The following DNAJC15 variants were observed in gnomAD, a reference collection of about 807,000 sequenced individuals.
DNAJC15 encodes the protein dnaJ homolog subfamily C member 15.
A neutral mutation model predicts 22.4 loss-of-function variants in DNAJC15; 27 were observed. The ratio of observed to expected loss-of-function variants is 1.20; its 90% confidence interval spans 0.89 to 1.66. DNAJC15 has a LOEUF of 1.66. DNAJC15 is among the 40% of genes most tolerant of loss of function. The pLI, the probability that DNAJC15 is intolerant of heterozygous loss-of-function variation, is 0.00. For synonymous variants in DNAJC15, 79 were observed against 63.2 expected (o/e 1.25, Z -1.19); for missense variants, 208 against 187.1 (o/e 1.11, Z -0.65).
At chr13:43,038,595 A>G (rs2040439093) in intron 1 of DNAJC15, among the ~76,000 whole-genome samples, 1 of 152,164 alleles carries the variant, frequency 6.6e-6, no homozygotes, top group Admixed American at 6.5e-5. Flanking sequence ...GATCGAGACC[A>G]TCCTGGCTAA....
Position 43,047,075 on chromosome 13 carries a change from CA to C in DNAJC15, c.109-18607del, listed in dbSNP as rs535844808. Among the ~76,000 whole-genome samples, 11 of 152,284 alleles carry C rather than the reference CA, an allele frequency of 7.2e-5. No individual in the cohort carries two copies. In the South Asian group the frequency reaches 1.0e-3, roughly 14 times the overall value. ...AGGCCAAGAACCCCAGGTCAGAGAA[CA>C]AAAGGCTTGCCGTCATTTTGGGAGC... On this transcript the variant is annotated intron_variant, in intron 1 of 5. Coordinates refer to ENST00000379221, the MANE Select transcript of DNAJC15 (RefSeq NM_013238.3).
At chr13:43,097,026 C>G (rs547519276) in intron 5 of DNAJC15, among the ~76,000 whole-genome samples, 1 of 152,296 alleles carries the variant, frequency 6.6e-6, no homozygotes, top group South Asian at 2.1e-4. Flanking sequence ...ATAAAAAGAA[C>G]ATTGTTGCTT....
intron 3 of DNAJC15, among the ~76,000 whole-genome samples, chr13:43,075,338 C>CT (rs2040628514): frequency 6.6e-6 from 1 of 152,118 alleles, no homozygotes; most frequent in Admixed American, 6.5e-5. Context: ...CCAATACCTG[C>CT]TTTTAAGATT....
At chr13:43,051,902 C>T (rs778825725) in intron 1 of DNAJC15, among the ~76,000 whole-genome samples, 1 of 152,126 alleles carries the variant, frequency 6.6e-6, no homozygotes, top group Non-Finnish European at 1.5e-5. Context: ...GTTTACCTTC[C>T]TACCAGCAGT....
chr13:43,075,203 A>T (rs1347441831), intron 3 of DNAJC15, among the ~76,000 whole-genome samples: 2 of 152,200 alleles, frequency 1.3e-5, no homozygotes, highest in Non-Finnish European at 2.9e-5. Flanking sequence ...GTATATACAG[A>T]TTGACTTACT....
intron 1 of DNAJC15, among the ~76,000 whole-genome samples, chr13:43,024,276 G>A (rs9594865): frequency 0.22 from 33,577 of 151,244 alleles, 3,768 homozygotes; most frequent in Middle Eastern, 0.24. Flanking sequence ...CTGGAAAAAG[G>A]AAGGGTCTAA....
chr13:43,077,323 A>C (rs2040638151), intron 3 of DNAJC15, among the ~76,000 whole-genome samples: 1 of 152,210 alleles, frequency 6.6e-6, no homozygotes, highest in Non-Finnish European at 1.5e-5. Flanking sequence ...AAAGATTAGC[A>C]AGCTATACTT....
chr13:43,036,005 G>A (rs2040427202), intron 1 of DNAJC15, among the ~76,000 whole-genome samples: 1 of 152,154 alleles, frequency 6.6e-6, no homozygotes, highest in Non-Finnish European at 1.5e-5. Context: ...GGGATTACAT[G>A]TGTAAGCCAC....
Position 43,092,872 on chromosome 13 carries a change from C to G in DNAJC15, c.382+7034C>G, listed in dbSNP as rs546775076. Among the ~76,000 whole-genome samples the G allele has an allele frequency of 8.5e-5, 13 of 152,310 alleles. No individual in the cohort carries two copies. The South Asian group carries it at 1.0e-3, about 12-fold the overall frequency. On this transcript the variant is annotated intron_variant, in intron 5 of 5. Coordinates refer to ENST00000379221, the MANE Select transcript of DNAJC15 (RefSeq NM_013238.3). Reference sequence around the variant, plus strand: ...GAGGCTACGGTGAGCTATGATCATGCTACTGTACTCCAACATAGGTGACAG... The same window carrying G: ...GAGGCTACGGTGAGCTATGATCATGGTACTGTACTCCAACATAGGTGACAG...
At chr13:43,043,690 C>T (rs763012128) in intron 1 of DNAJC15, among the ~76,000 whole-genome samples, 2 of 152,134 alleles carry the variant, frequency 1.3e-5, no homozygotes, top group Non-Finnish European at 2.9e-5. Flanking sequence ...TTTGTTGTTT[C>T]GCCCTTTTAT....
At chr13:43,034,712 A>G (rs150153881) in intron 1 of DNAJC15, among the ~76,000 whole-genome samples, 15 of 152,108 alleles carry the variant, frequency 9.9e-5, no homozygotes, top group Admixed American at 9.8e-4. Flanking sequence ...TACCACATTT[A>G]TTTTGTTGTT....
At chr13:43,053,501 G>A (rs2040515393) in intron 1 of DNAJC15, among the ~76,000 whole-genome samples, 1 of 152,132 alleles carries the variant, frequency 6.6e-6, no homozygotes, top group African/African-American at 2.4e-5. Flanking sequence ...TGGCAGTACA[G>A]TCATTTTCAC....
chr13:43,038,801 G>GAAAAAAAAAAAAAAA (rs562632739), intron 1 of DNAJC15, among the ~76,000 whole-genome samples: 1 of 107,302 alleles, frequency 9.3e-6, no homozygotes. Flanking sequence ...CAAAAAATAG[G>GAAAAAAAAAAAAAAA]AAAAAAAAAA....
intron 1 of DNAJC15, among the ~76,000 whole-genome samples, chr13:43,045,331 C>A (rs1161505744): frequency 6.6e-6 from 1 of 152,162 alleles, no homozygotes; most frequent in Admixed American, 6.5e-5. Flanking sequence ...AAGCCGCAGG[C>A]AAAACCTCTC....
At chr13:43,089,808 A>G (rs1373647768) in intron 5 of DNAJC15, among the ~76,000 whole-genome samples, 2 of 148,058 alleles carry the variant, frequency 1.4e-5, no homozygotes, top group African/African-American at 2.6e-5. Context: ...GTCAATCTCT[A>G]TTTTTGATTT....
chr13:43,024,893 TAAAAA>T (rs34398144), intron 1 of DNAJC15, among the ~76,000 whole-genome samples: 3 of 85,946 alleles, frequency 3.5e-5, no homozygotes, highest in East Asian at 2.6e-4. Context: ...CCATCTCTGC[TAAAAA>T]AAAAAAAAAA....
intron 1 of DNAJC15, among the ~76,000 whole-genome samples, chr13:43,063,492 A>G (rs988312661): frequency 2.0e-5 from 3 of 152,148 alleles, no homozygotes; most frequent in African/African-American, 7.2e-5. Flanking sequence ...AAGGCCACAG[A>G]TCTTTATAAT....
chr13:43,105,809 C>T (rs1161577041), intron 5 of DNAJC15, among the ~76,000 whole-genome samples: 2 of 152,150 alleles, frequency 1.3e-5, no homozygotes, highest in African/African-American at 4.8e-5. Flanking sequence ...ATTGACATTA[C>T]CTAATTCCTG....
intron 1 of DNAJC15, among the ~76,000 whole-genome samples, chr13:43,049,746 T>C (rs1379655013): frequency 6.6e-6 from 1 of 152,208 alleles, no homozygotes; most frequent in African/African-American, 2.4e-5. Flanking sequence ...GTCATTCATA[T>C]ATGTGGAAGT....
Sources: gnomAD v4.1 joint callset for allele counts (sites outside exome capture counted in the v4.1 genomes callset) on GRCh38, gnomAD v4.1.1 for gene constraint, MANE v1.5 for transcripts, NCBI Gene and HGNC (gene_info 2026-07-23, HGNC 2026-07-21) for gene names.